ARHGEF33: variants seen among roughly 807,000 people sequenced by gnomAD.
ARHGEF33 encodes Rho guanine nucleotide exchange factor 33.
In ARHGEF33, 72 loss-of-function variants were observed where a neutral mutation model predicts 101.9. That is an observed-to-expected ratio of 0.71 (90% CI 0.58 to 0.86). The LOEUF is 0.86. ARHGEF33 is among the 40% of genes least tolerant of loss of function. The pLI is 0.00. For missense variants in ARHGEF33, 1,169 were observed against 1,111.3 expected, an observed-to-expected ratio of 1.05 and a Z score of -0.74; for synonymous variants, 499 against 442.5, an observed-to-expected ratio of 1.13 and a Z score of -1.60.
chr2:38,903,258 T>A (rs1459295958), intron 2 of ARHGEF33, among the ~76,000 whole-genome samples: 3 of 152,068 alleles, frequency 2.0e-5, no homozygotes, highest in Non-Finnish European at 4.4e-5. Context: ...CTATGATAAC[T>A]GAATTTACAG....
intron 2 of ARHGEF33, among the ~76,000 whole-genome samples, chr2:38,900,598 A>G (rs1239253537): frequency 6.6e-6 from 1 of 152,198 alleles, no homozygotes; most frequent in Non-Finnish European, 1.5e-5. Context: ...AAATCATATC[A>G]ACCAATGTCT....
chr2:38,925,182 G>T lies in ARHGEF33; in HGVS notation c.76-3725G>T, dbSNP rs375189537. Among the ~76,000 whole-genome samples the T allele has an allele frequency of 5.9e-5, 9 of 152,118 alleles. No individual in the cohort carries two copies. The East Asian group carries it at 9.6e-4, about 16-fold the overall frequency. On this transcript the variant is annotated intron_variant, in intron 4 of 17. Transcript: ENST00000409978. ...ATAGAAGGAAATGTGAGTGTTAATG[G>T]TTATACTGAAATAATGAAATTTGGA...
At chr2:38,904,815 T>C (rs1666352125) in intron 2 of ARHGEF33, among the ~76,000 whole-genome samples, 1 of 152,066 alleles carries the variant, frequency 6.6e-6, no homozygotes, top group Non-Finnish European at 1.5e-5. Flanking sequence ...AACAATCTAC[T>C]GGCAGTGAAG....
intron 10 of ARHGEF33, among the ~76,000 whole-genome samples, chr2:38,948,165 G>T (rs1448716849): frequency 6.6e-6 from 1 of 151,942 alleles, no homozygotes; most frequent in South Asian, 2.1e-4. Context: ...CAGGTCTGGC[G>T]CCAGGCAAAA....
At chr2:38,946,612 T>C (rs1471833015) in intron 10 of ARHGEF33, among the ~76,000 whole-genome samples, 1 of 151,982 alleles carries the variant, frequency 6.6e-6, no homozygotes, top group Non-Finnish European at 1.5e-5. Flanking sequence ...CTGAAACCTC[T>C]GTGTGTACTT....
intron 16 of ARHGEF33, 34 bp from the exon 17 acceptor site, chr2:38,965,972 A>G (rs774877181): frequency 1.9e-6 from 3 of 1,549,504 alleles, no homozygotes; most frequent in African/African-American, 2.7e-5. Context: ...CATTGGAAGG[A>G]GTAAAGAAAA....
intron 2 of ARHGEF33, among the ~76,000 whole-genome samples, chr2:38,914,889 AC>A (rs1483072814): frequency 6.6e-6 from 1 of 152,128 alleles, no homozygotes; most frequent in East Asian, 1.9e-4. Context: ...GGGGAGGAAC[AC>A]TTTTACCTCT....
chr2:38,906,542 G>A (rs143155535), intron 2 of ARHGEF33, among the ~76,000 whole-genome samples: 2 of 152,210 alleles, frequency 1.3e-5, no homozygotes, highest in East Asian at 1.9e-4. Context: ...GCATGTATGA[G>A]GTAAGCTGGA....
At position 38,889,924 on chromosome 2, in the gene ARHGEF33, G is replaced by T. The variant is rs1665958252; in HGVS notation, c.-221G>T. 2 of 470,868 alleles carry T rather than the reference G, an allele frequency of 4.2e-6. No individual in the cohort carries two copies. Among genetic ancestry groups the T allele is most frequent in the South Asian group, 3.1e-5 (2 of 64,544 alleles). 29.2% of individuals were successfully genotyped at this position (470,868 alleles called of 1,614,324 possible). A position where few individuals can be genotyped will look rare whatever the true frequency, so the allele number is the denominator to read the frequency against. Reference sequence around the variant, plus strand: ...TACTGCTTCTTTTTATAACCTTTAAGTTAATTCAGAACCCAGATAAGCCTT... The same window carrying T: ...TACTGCTTCTTTTTATAACCTTTAATTTAATTCAGAACCCAGATAAGCCTT... On this transcript the variant is annotated 5_prime_UTR_variant, in exon 1 of 18. Transcript: ENST00000409978.
intron 2 of ARHGEF33, among the ~76,000 whole-genome samples, chr2:38,916,941 C>T (rs1000033217): frequency 8.6e-5 from 13 of 151,850 alleles, no homozygotes; most frequent in African/African-American, 3.1e-4. Context: ...GCTGGGATTA[C>T]AGGCATGCGC....
Position 38,934,951 on chromosome 2 carries a change from A to G in ARHGEF33, c.506-824A>G, listed in dbSNP as rs370942657. Among the ~76,000 whole-genome samples the G allele has an allele frequency of 6.8e-4, 103 of 151,940 alleles. 1 individual carries two copies. In the South Asian group the frequency reaches 0.021, roughly 31 times the overall value. ...GGGAAGAAACGGAGCAGCCAGTGTC[A>G]GGGTCCCGTGAGAATATGACTGACG... On this transcript the variant is annotated intron_variant, in intron 7 of 17. Coordinates refer to ENST00000409978, the MANE Select transcript of ARHGEF33 (RefSeq NM_001145451.5).
chr2:38,960,711 C>A (rs761019286), intron 16 of ARHGEF33, 63 bp downstream of exon 16: 2 of 1,220,562 alleles, frequency 1.6e-6, no homozygotes. Context: ...CTGCAGGAAG[C>A]ATCCCGAGTT....
intron 2 of ARHGEF33, among the ~76,000 whole-genome samples, chr2:38,905,937 C>G (rs995436471): frequency 1.2e-4 from 18 of 152,128 alleles, no homozygotes; most frequent in Admixed American, 3.9e-4. Context: ...TGTCTTTCCT[C>G]ACATACTTTA....
intron 2 of ARHGEF33, among the ~76,000 whole-genome samples, chr2:38,911,185 G>A (rs973447629): frequency 3.9e-5 from 6 of 152,050 alleles, no homozygotes; most frequent in African/African-American, 1.4e-4. Flanking sequence ...AATGTTTATA[G>A]CATTTTTTCT....
chr2:38,941,459 G>T (rs1283611387), intron 9 of ARHGEF33, among the ~76,000 whole-genome samples: 2 of 152,018 alleles, frequency 1.3e-5, no homozygotes, highest in Non-Finnish European at 1.5e-5. Flanking sequence ...TGAAGCAATT[G>T]TTCCACTGTC....
intron 9 of ARHGEF33, among the ~76,000 whole-genome samples, 183 bp downstream of exon 9, chr2:38,937,742 G>A (rs912903203): frequency 1.3e-5 from 2 of 152,142 alleles, no homozygotes; most frequent in Non-Finnish European, 2.9e-5. Context: ...GAGGTCACAG[G>A]GCCAGTGACT....
At chr2:38,945,859 A>G (rs992521113) in intron 10 of ARHGEF33, among the ~76,000 whole-genome samples, 1 of 152,210 alleles carries the variant, frequency 6.6e-6, no homozygotes, top group Non-Finnish European at 1.5e-5. Flanking sequence ...CCCCTACCTT[A>G]CAGACGAAGG....
chr2:38,914,864 A>T (rs1451738594), intron 2 of ARHGEF33, among the ~76,000 whole-genome samples: 1 of 152,122 alleles, frequency 6.6e-6, no homozygotes, highest in Non-Finnish European at 1.5e-5. Context: ...GAGATTATTA[A>T]CATCAGTTGG....
rs1324548847 is a variant in ARHGEF33, at chr2:38,974,687, T to G, written c.*844T>G. 6.6e-6 allele frequency: 1 copy of G among 152,232 alleles called. No individual in the cohort carries two copies. The highest frequency in any genetic ancestry group is 2.4e-5 in the African/African-American group (1 of 41,454). 9.4% of individuals were successfully genotyped at this position (152,232 alleles called of 1,614,324 possible). A position where few individuals can be genotyped will look rare whatever the true frequency, so the allele number is the denominator to read the frequency against. On this transcript the variant is annotated 3_prime_UTR_variant, in exon 18 of 18. Coordinates refer to ENST00000409978, the MANE Select transcript of ARHGEF33 (RefSeq NM_001145451.5). ...AGATGGACTAGGAAAAAAGCAGTGATTTAGCCACATCTTGTTAAAAAGACT... is the reference window on the plus strand; with the variant it reads ...AGATGGACTAGGAAAAAAGCAGTGAGTTAGCCACATCTTGTTAAAAAGACT...
Sources: gnomAD v4.1 joint callset for allele counts (sites outside exome capture counted in the v4.1 genomes callset) on GRCh38, gnomAD v4.1.1 for gene constraint, MANE v1.5 for transcripts, NCBI Gene and HGNC (gene_info 2026-07-23, HGNC 2026-07-21) for gene names.